HMGCLL1: variants seen among roughly 807,000 people sequenced by gnomAD.
The protein encoded by HMGCLL1 is 3-hydroxymethyl-3-methylglutaryl-CoA lyase, cytoplasmic.
Under a neutral mutation model 39.1 loss-of-function variants are expected in HMGCLL1, and 36 were observed. The ratio of observed to expected loss-of-function variants is 0.92; its 90% CI spans 0.71 to 1.22. HMGCLL1 has a LOEUF of 1.22. HMGCLL1 is among the 50% of genes most tolerant of loss of function. The probability of loss-of-function intolerance (pLI) is 0.00; values close to 1 mark genes in which losing one functional copy is unlikely to be tolerated. For synonymous variants in HMGCLL1, 149 were observed against 144.0 expected, an observed-to-expected ratio of 1.03 and a Z score of -0.25; for missense variants, 451 against 416.5, an observed-to-expected ratio of 1.08 and a Z score of -0.72.
intron 1 of HMGCLL1, among the ~76,000 whole-genome samples, chr6:55,569,773 T>C (rs1052358893): frequency 6.6e-6 from 1 of 152,140 alleles, no homozygotes; most frequent in African/African-American, 2.4e-5. Context: ...GGGTATAACA[T>C]GGCTATATCT....
At chr6:55,651,611 T>G in the HMGCLL1 span, among the ~76,000 whole-genome samples, 1 of 152,062 alleles carries the variant, frequency 6.6e-6, no homozygotes, top group Non-Finnish European at 1.5e-5. Context: ...CTAGGTCATG[T>G]GCCACCCTAG....
chr6:55,620,951 CTG>C, the HMGCLL1 span, among the ~76,000 whole-genome samples: 1 of 151,874 alleles, frequency 6.6e-6, no homozygotes, highest in African/African-American at 2.4e-5. Context: ...AAGTTTATCT[CTG>C]TGTTCCATGT....
chr6:55,586,730 A>G, the HMGCLL1 span, among the ~76,000 whole-genome samples: 2 of 151,840 alleles, frequency 1.3e-5, no homozygotes, highest in East Asian at 3.9e-4. Context: ...TGAACTCATC[A>G]TTTTTTATGG....
At chr6:55,584,176 T>G (rs4715556), upstream of HMGCLL1, among the ~76,000 whole-genome samples, 78,796 of 151,960 alleles carry the variant, frequency 0.52, 20,854 homozygotes, top group African/African-American at 0.62. Context: ...GGAGGGGAAA[T>G]AATCTCCACG....
chr6:55,475,591 CTT>C (rs1412273171), intron 7 of HMGCLL1, among the ~76,000 whole-genome samples: 2 of 151,510 alleles, frequency 1.3e-5, no homozygotes, highest in East Asian at 1.9e-4. Flanking sequence ...TTTCCAAACT[CTT>C]TACATTTGGA....
Position 55,579,112 on chromosome 6 carries a change from C to A in HMGCLL1, c.-57G>T. 7.5e-7 allele frequency: 1 copy of A among 1,329,050 alleles called. No individual in the cohort carries two copies. Among genetic ancestry groups the A allele is most frequent in the Non-Finnish European group, 1.1e-6 (1 of 941,968 alleles). The allele number at this position is 1,329,050 out of a possible 1,614,324, so 82.3% of individuals were successfully genotyped here. On this transcript the variant is annotated 5_prime_UTR_variant, in exon 1 of 9. Transcript: ENST00000274901. ...AGGGAGACTGGAGGAGGATGAGGGG[C>A]GGGCACCGCGCTGGGAAACTGCGCC...
At chr6:55,528,380 C>G (rs370197064) in intron 3 of HMGCLL1, among the ~76,000 whole-genome samples, 1 of 151,998 alleles carries the variant, frequency 6.6e-6, no homozygotes, top group Non-Finnish European at 1.5e-5. Flanking sequence ...GCGATACATT[C>G]GTAAATTCAG....
chr6:55,529,258 A>T (rs1298360804), intron 3 of HMGCLL1, among the ~76,000 whole-genome samples: 2 of 152,038 alleles, frequency 1.3e-5, no homozygotes, highest in African/African-American at 4.8e-5. Context: ...TCATGTCTTT[A>T]TGTTTGATAA....
the HMGCLL1 span, among the ~76,000 whole-genome samples, chr6:55,625,122 G>A: frequency 2.6e-5 from 4 of 152,082 alleles, no homozygotes; most frequent in African/African-American, 9.7e-5. Flanking sequence ...TTGGAACAAG[G>A]CCCAGCCGTC....
Position 55,499,280 on chromosome 6 carries a change from C to T in HMGCLL1, c.562G>A (p.Gly188Ser). The T allele has an allele frequency of 6.2e-7, 1 of 1,608,928 alleles. No homozygotes were observed. Among genetic ancestry groups the T allele is most frequent in the Non-Finnish European group, 8.5e-7 (1 of 1,177,356 alleles). Reference protein sequence around the residue: ...PARGYVSCALGCPYEGSITPQ... With the variant: ...PARGYVSCALSCPYEGSITPQ... The stretch of plus-strand genomic sequence containing the variant: ...GTAATACTTCCTTCATATGGACAGC[C>T]CAGAGCACAAGACACATACCTAAAT... The change falls in exon 6 of 9, where the codon GGC becomes AGC. Residue 188 changes from glycine to serine, a missense_variant. Transcript: ENST00000274901.
upstream of HMGCLL1, among the ~76,000 whole-genome samples, chr6:55,583,431 T>C (rs1772018935): frequency 6.6e-6 from 1 of 151,574 alleles, no homozygotes; most frequent in Non-Finnish European, 1.5e-5. Context: ...CATCTATGAG[T>C]GAGAACATGC....
the HMGCLL1 span, among the ~76,000 whole-genome samples, chr6:55,595,853 C>A: frequency 1.3e-5 from 2 of 151,958 alleles, no homozygotes; most frequent in Admixed American, 6.6e-5. Context: ...ACCAAACTGA[C>A]GTTAAACGCT....
chr6:55,665,633 C>T, the HMGCLL1 span, among the ~76,000 whole-genome samples: 1 of 151,738 alleles, frequency 6.6e-6, no homozygotes, highest in African/African-American at 2.4e-5. Flanking sequence ...CAGCCAAAGC[C>T]TTTCTTTTTA....
the HMGCLL1 span, among the ~76,000 whole-genome samples, chr6:55,599,200 T>C: frequency 1.3e-5 from 2 of 151,944 alleles, no homozygotes; most frequent in African/African-American, 4.8e-5. Flanking sequence ...CACCATGGCA[T>C]GTGTATACCT....
chr6:55,460,065 T>A (rs772241764), intron 7 of HMGCLL1, among the ~76,000 whole-genome samples: 3 of 151,970 alleles, frequency 2.0e-5, no homozygotes, highest in Non-Finnish European at 4.4e-5. Context: ...GTACCTAATC[T>A]TTTATCAATT....
At chr6:55,650,106 T>TACAC in the HMGCLL1 span, among the ~76,000 whole-genome samples, 318 of 71,144 alleles carry the variant, frequency 4.5e-3, 21 homozygotes, top group African/African-American at 0.019. Context: ...TATATATATA[T>TACAC]ATATATATAT....
intron 5 of HMGCLL1, among the ~76,000 whole-genome samples, chr6:55,510,971 A>G (rs1454631002): frequency 9.9e-5 from 15 of 151,830 alleles, no homozygotes; most frequent in Non-Finnish European, 2.1e-4. Context: ...AGAGAAGCTG[A>G]TAATCACTTT....
At chr6:55,585,012 C>T in the HMGCLL1 span, among the ~76,000 whole-genome samples, 1 of 151,858 alleles carries the variant, frequency 6.6e-6, no homozygotes, top group African/African-American at 2.4e-5. Context: ...TAGATAACTT[C>T]TCACATATGT....
Position 55,495,530 on chromosome 6 carries a change from A to T in HMGCLL1, c.684T>A (p.Ser228Arg). Residue 228 changes from serine (S) to arginine (R), a missense_variant, in exon 7 of 9, where the codon AGT (serine) becomes AGA (arginine). Physicochemically the swap from Ser to Arg is moderately radical, Grantham distance 110 (BLOSUM62 -1). Coordinates refer to ENST00000274901, the MANE Select transcript of HMGCLL1 (RefSeq NM_001042406.2). ...TCACACTTTCCAACATTCTTTTCAT[A>T]CTTCCTGGAGTTCCCACTCCAATTG... ...GDTIGVGTPGSMKRMLESVMK... is the reference protein window; with the variant it reads ...GDTIGVGTPGRMKRMLESVMK... 1.2e-6 allele frequency: 2 copies of T among 1,613,752 alleles called. No individual in the cohort carries two copies. Among genetic ancestry groups the T allele is most frequent in the Non-Finnish European group, 8.5e-7 (1 of 1,179,748 alleles).
Sources: gnomAD v4.1 joint callset for allele counts (sites outside exome capture counted in the v4.1 genomes callset) on GRCh38, gnomAD v4.1.1 for gene constraint, MANE v1.5 for transcripts, NCBI Gene and HGNC (gene_info 2026-07-23, HGNC 2026-07-21) for gene names.